The following RTN1 variants were observed in gnomAD, a reference collection of about 807,000 sequenced individuals.
RTN1 encodes reticulon 1.
A neutral mutation model predicts 65.5 loss-of-function variants in RTN1; 25 were observed. That is an observed-to-expected ratio of 0.38 (90% CI 0.28 to 0.53). The LOEUF is 0.53. Ranked by LOEUF, RTN1 falls within the 20% of genes least tolerant of loss-of-function variation. The pLI is 0.79. For missense variants in RTN1, 983 were observed against 1,025.4 expected (o/e 0.96, Z 0.57); for synonymous variants, 471 against 447.6 (o/e 1.05, Z -0.66).
At chr14:59,599,225 T>C (rs1881502321) in intron 8 of RTN1, among the ~76,000 whole-genome samples, 1 of 152,236 alleles carries the variant, frequency 6.6e-6, no homozygotes, top group African/African-American at 2.4e-5. Flanking sequence ...TCTATATCTG[T>C]AAAGTTGACT....
intron 2 of RTN1, among the ~76,000 whole-genome samples, chr14:59,739,718 G>T (rs1419584745): frequency 6.6e-6 from 1 of 152,120 alleles, no homozygotes; most frequent in Non-Finnish European, 1.5e-5. Flanking sequence ...GATTCATGTG[G>T]TGAGTGAGAA....
At chr14:59,834,883 G>C (rs1887187716) in intron 1 of RTN1, among the ~76,000 whole-genome samples, 1 of 152,198 alleles carries the variant, frequency 6.6e-6, no homozygotes, top group South Asian at 2.1e-4. Context: ...TGAAGAAATT[G>C]AACTCTTGTA....
intron 3 of RTN1, among the ~76,000 whole-genome samples, chr14:59,627,942 T>C (rs907044700): frequency 3.3e-5 from 5 of 152,146 alleles, no homozygotes; most frequent in Non-Finnish European, 5.9e-5. Context: ...CTGACCTTTT[T>C]CCACTGCATT....
intron 1 of RTN1, among the ~76,000 whole-genome samples, chr14:59,759,186 T>C (rs1187566890): frequency 6.6e-6 from 1 of 152,196 alleles, no homozygotes; most frequent in Non-Finnish European, 1.5e-5. Context: ...ATGCAAGGCC[T>C]TCCCAATCTT....
chr14:59,862,281 C>T (rs1038719888), intron 1 of RTN1, among the ~76,000 whole-genome samples: 5 of 152,156 alleles, frequency 3.3e-5, no homozygotes, highest in African/African-American at 1.2e-4. Context: ...TATCCATTAG[C>T]GTCTGGTTTA....
At chr14:59,598,075 T>TA (rs201536916) in intron 8 of RTN1, among the ~76,000 whole-genome samples, 9,801 of 149,302 alleles carry the variant, frequency 0.066, 366 homozygotes, top group Non-Finnish European at 0.088. Context: ...GGTGGCTGTG[T>TA]AAAAAAAAAA....
intron 1 of RTN1, among the ~76,000 whole-genome samples, chr14:59,830,820 G>A (rs1887112714): frequency 6.6e-6 from 1 of 152,134 alleles, no homozygotes; most frequent in Non-Finnish European, 1.5e-5. Flanking sequence ...GTAAAGCCTT[G>A]ATAACAGTGC....
At chr14:59,663,684 C>T (rs971889284) in intron 3 of RTN1, among the ~76,000 whole-genome samples, 33 of 152,042 alleles carry the variant, frequency 2.2e-4, no homozygotes, top group Non-Finnish European at 3.8e-4. Context: ...ACAGACACTT[C>T]TCAATAGAAG....
At chr14:59,757,923 T>G (rs993908126) in intron 1 of RTN1, among the ~76,000 whole-genome samples, 1 of 152,194 alleles carries the variant, frequency 6.6e-6, no homozygotes, top group Non-Finnish European at 1.5e-5. Flanking sequence ...CATTAAAGTT[T>G]ACTCTTGGTG....
intron 3 of RTN1, among the ~76,000 whole-genome samples, chr14:59,635,271 G>A (rs930857512): frequency 1.3e-5 from 2 of 152,086 alleles, no homozygotes; most frequent in East Asian, 1.9e-4. Context: ...AGTAGCAAAC[G>A]AATGTAATCA....
At chr14:59,807,738 C>A (rs1886662852) in intron 1 of RTN1, among the ~76,000 whole-genome samples, 1 of 152,114 alleles carries the variant, frequency 6.6e-6, no homozygotes, top group African/African-American at 2.4e-5. Context: ...ACTGTTTTTG[C>A]CACTTGAGGT....
chr14:59,756,704 T>C (rs919228820), intron 1 of RTN1, among the ~76,000 whole-genome samples: 1 of 152,200 alleles, frequency 6.6e-6, no homozygotes, highest in Non-Finnish European at 1.5e-5. Context: ...CTCAATGCTA[T>C]GTATAACATG....
chr14:59,681,278 C>T (rs1594675168), intron 3 of RTN1, among the ~76,000 whole-genome samples: 1 of 152,208 alleles, frequency 6.6e-6, no homozygotes, highest in East Asian at 1.9e-4. Context: ...TATATTTCCT[C>T]TAACAAAAAC....
At chr14:59,838,491 T>C (rs1346633370) in intron 1 of RTN1, among the ~76,000 whole-genome samples, 2 of 152,120 alleles carry the variant, frequency 1.3e-5, no homozygotes, top group Non-Finnish European at 2.9e-5. Flanking sequence ...GAAACTTGAT[T>C]ATTGTAGTAC....
chr14:59,598,044 ATGT>A (rs1376955833), intron 8 of RTN1, among the ~76,000 whole-genome samples: 1 of 152,110 alleles, frequency 6.6e-6, no homozygotes, highest in African/African-American at 2.4e-5. Flanking sequence ...GATCTGATTA[ATGT>A]TGTAAGAAGA....
rs77296267 is a variant in RTN1, at chr14:59,693,698, C to T, written c.1765+33221G>A. Among the ~76,000 whole-genome samples the T allele has an allele frequency of 2.2e-3, 337 of 152,284 alleles. 2 individuals carry two copies. Among genetic ancestry groups the T allele is most frequent in the Non-Finnish European group, 2.9e-3 (194 of 68,008 alleles). On this transcript the variant is annotated intron_variant, in intron 3 of 8. Coordinates refer to ENST00000267484, the MANE Select transcript of RTN1 (RefSeq NM_021136.3). ...GTGAATGCCATTATTTTGTTCCTTC[C>T]TGGTTTTTACTTTTTTGTACAAGGT...
intron 3 of RTN1, among the ~76,000 whole-genome samples, chr14:59,679,401 G>A (rs961151643): frequency 3.3e-5 from 5 of 152,118 alleles, no homozygotes; most frequent in African/African-American, 1.2e-4. Context: ...AGAGACTGGA[G>A]CTCTAACTTT....
intron 1 of RTN1, among the ~76,000 whole-genome samples, chr14:59,773,032 C>T (rs759217861): frequency 5.3e-5 from 8 of 152,046 alleles, no homozygotes; most frequent in Non-Finnish European, 1.0e-4. Context: ...CTCTAATGAA[C>T]AAAGCTACAG....
At position 59,672,490 on chromosome 14, in the gene RTN1, C is replaced by A. The variant is rs368639906; in HGVS notation, c.1765+54429G>T. The stretch of plus-strand genomic sequence containing the variant: ...TCCACATAAAGGACACATCATATGG[C>A]AAATTTCAAAATTAATATCAAGGAA... On this transcript the variant is annotated intron_variant, in intron 3 of 8. Transcript: ENST00000267484. Among the ~76,000 whole-genome samples the A allele has an allele frequency of 1.4e-4, 22 of 152,106 alleles. No homozygotes were observed. In the South Asian group the frequency reaches 2.7e-3, roughly 19 times the overall value.
Sources: gnomAD v4.1 joint callset for allele counts (sites outside exome capture counted in the v4.1 genomes callset) on GRCh38, gnomAD v4.1.1 for gene constraint, MANE v1.5 for transcripts, NCBI Gene and HGNC (gene_info 2026-07-23, HGNC 2026-07-21) for gene names.